The following POLR3B variants were observed in gnomAD, a reference collection of about 807,000 sequenced individuals.
POLR3B encodes the protein RNA polymerase III subunit B, also known as DNA-directed RNA polymerase III subunit RPC2.
In POLR3B, 96 loss-of-function variants were observed where a neutral mutation model predicts 147.4. The observed-to-expected ratio is 0.65, with a 90% confidence interval of 0.55 to 0.77. POLR3B has a LOEUF of 0.77. POLR3B is among the 30% of genes least tolerant of loss of function. POLR3B has a pLI of 0.00. For synonymous variants in POLR3B, 461 were observed against 485.9 expected, an observed-to-expected ratio of 0.95 and a Z score of 0.67; for missense variants, 1,036 against 1,413.5, an observed-to-expected ratio of 0.73 and a Z score of 4.28.
intron 11 of POLR3B, among the ~76,000 whole-genome samples, chr12:106,407,022 C>T (rs1213811847): frequency 6.6e-6 from 1 of 152,172 alleles, no homozygotes; most frequent in Non-Finnish European, 1.5e-5. Flanking sequence ...TCCGATTTTC[C>T]TGTATTAAAA....
intron 9 of POLR3B, among the ~76,000 whole-genome samples, chr12:106,384,802 A>G (rs77911396): frequency 0.035 from 5,258 of 151,916 alleles, 103 homozygotes; most frequent in Middle Eastern, 0.082. Context: ...CTAACTTCAA[A>G]GTTAACTAAT....
intron 23 of POLR3B, among the ~76,000 whole-genome samples, chr12:106,479,485 A>G (rs1319455193): frequency 1.3e-5 from 2 of 150,562 alleles, no homozygotes; most frequent in African/African-American, 4.9e-5. Flanking sequence ...GGTTCATGCC[A>G]TTCTCCTGCC....
intron 19 of POLR3B, among the ~76,000 whole-genome samples, chr12:106,453,599 C>T (rs1358621879): frequency 6.6e-6 from 1 of 152,114 alleles, no homozygotes; most frequent in Non-Finnish European, 1.5e-5. Flanking sequence ...CACTCAAGCT[C>T]AGCAGTAGAG....
At position 106,504,035 on chromosome 12, in the gene POLR3B, T is replaced by C; in HGVS notation, c.3099-46T>C. The C allele has an allele frequency of 3.8e-6, 6 of 1,574,502 alleles. No homozygotes were observed. The highest frequency in any genetic ancestry group is 1.3e-5 in the African/African-American group (1 of 74,232). ...CAGCATGTGATGCTACCTCTTTGTT[T>C]GTTTAACAGAATAATAACACATTTG... On this transcript the variant is annotated intron_variant, in intron 26 of 27. Transcript: ENST00000228347. This position sits in a 1 kb window ranked among gnomAD's most constrained non-coding sequence, Gnocchi z 4.6.
chr12:106,395,218 C>A (rs2036964115), intron 10 of POLR3B, among the ~76,000 whole-genome samples: 1 of 152,006 alleles, frequency 6.6e-6, no homozygotes, highest in African/African-American at 2.4e-5. Flanking sequence ...CAGAGTAAGA[C>A]CTTTCCTCAA....
chr12:106,384,657 T>C lies in POLR3B; in HGVS notation c.723+4518T>C, dbSNP rs925433819. Among the ~76,000 whole-genome samples, 24 of 152,144 alleles carry C rather than the reference T, an allele frequency of 1.6e-4. 1 individual carries two copies. The highest frequency in any genetic ancestry group is 1.6e-3 in the Admixed American group (24 of 15,262). ...GTGCTTTGTTGATTGCAGTATAAGA[T>C]GGCCCCCTAGTATAATGCTAAAGTG... On this transcript the variant is annotated intron_variant, in intron 9 of 27. Transcript: ENST00000228347.
At chr12:106,472,601 C>A (rs1003523186) in intron 23 of POLR3B, among the ~76,000 whole-genome samples, 17 of 151,242 alleles carry the variant, frequency 1.1e-4, no homozygotes, top group Non-Finnish European at 2.4e-4. Context: ...ATTTGCATTT[C>A]TCTGATGGCC....
At chr12:106,385,186 T>C (rs1204321552) in intron 9 of POLR3B, among the ~76,000 whole-genome samples, 1 of 152,176 alleles carries the variant, frequency 6.6e-6, no homozygotes, top group Non-Finnish European at 1.5e-5. Context: ...GAGGAAAATG[T>C]TGTGACCATA....
At chr12:106,437,160 T>C (rs772332984) in intron 17 of POLR3B, 29 bp downstream of exon 17, 1 of 1,359,220 alleles carries the variant, frequency 7.4e-7, no homozygotes, top group Non-Finnish European at 1.1e-6. Context: ...AACTTACCAA[T>C]CTCCTTAATA....
chr12:106,470,393 G>C (rs1464516273), intron 23 of POLR3B, among the ~76,000 whole-genome samples: 1 of 152,034 alleles, frequency 6.6e-6, no homozygotes, highest in Non-Finnish European at 1.5e-5. Flanking sequence ...CAATGGGTTA[G>C]AACACACTCC....
chr12:106,435,126 T>G (rs900395954), intron 16 of POLR3B, among the ~76,000 whole-genome samples: 5 of 144,240 alleles, frequency 3.5e-5, no homozygotes, highest in African/African-American at 1.2e-4. Context: ...ATCCTTCCAT[T>G]AAATTATTTT....
intron 18 of POLR3B, among the ~76,000 whole-genome samples, chr12:106,444,169 A>G (rs1462291762): frequency 2.0e-5 from 3 of 152,216 alleles, no homozygotes; most frequent in Non-Finnish European, 4.4e-5. Flanking sequence ...TGGTGATACA[A>G]CCTACTCATT....
chr12:106,385,904 G>A (rs980217412), intron 9 of POLR3B, among the ~76,000 whole-genome samples: 22 of 152,062 alleles, frequency 1.4e-4, no homozygotes, highest in Non-Finnish European at 2.9e-4. Context: ...GATATCAGAG[G>A]GCCCAGGAAG....
intron 23 of POLR3B, among the ~76,000 whole-genome samples, chr12:106,469,227 G>A (rs2038052808): frequency 6.8e-6 from 1 of 146,812 alleles, no homozygotes. Context: ...ATTTTTGTTG[G>A]TTTAAAGTCT....
chr12:106,408,184 A>T (rs1389204476), intron 11 of POLR3B, among the ~76,000 whole-genome samples: 1 of 152,238 alleles, frequency 6.6e-6, no homozygotes, highest in Admixed American at 6.5e-5. Context: ...TACATAAATA[A>T]GTACTACAGA....
intron 9 of POLR3B, among the ~76,000 whole-genome samples, chr12:106,387,967 T>C (rs1468900510): frequency 6.6e-6 from 1 of 152,208 alleles, no homozygotes; most frequent in Non-Finnish European, 1.5e-5. Context: ...ACATCATTTC[T>C]CTTTGAGTGT....
chr12:106,410,897 A>G lies in POLR3B; in HGVS notation c.1038A>G (p.Gln346=), dbSNP rs886048898. ...AVMVRRVILA[Q]GDNKVDDRDY... The stretch of plus-strand genomic sequence containing the variant: ...TGGTGCGAAGAGTTATTCTGGCCCA[A>G]GGAGATAATAAAGTTGACGACAGAG... The change falls in exon 12 of 28, where the codon CAA becomes CAG. Residue 346 remains glutamine (Q), a synonymous_variant. Transcript: ENST00000228347. 1.1e-5 allele frequency: 18 copies of G among 1,613,572 alleles called. No individual in the cohort carries two copies. The highest frequency in any genetic ancestry group is 1.5e-5 in the Non-Finnish European group (18 of 1,179,590).
At chr12:106,453,088 G>C (rs1161529732) in intron 19 of POLR3B, among the ~76,000 whole-genome samples, 1 of 144,916 alleles carries the variant, frequency 6.9e-6, no homozygotes, top group Admixed American at 7.0e-5. Context: ...GTAGTGGTAT[G>C]ATCTTAGCTC....
At chr12:106,483,460 G>C (rs1386174109) in intron 23 of POLR3B, among the ~76,000 whole-genome samples, 1 of 152,132 alleles carries the variant, frequency 6.6e-6, no homozygotes, top group Non-Finnish European at 1.5e-5. Context: ...ACTGACACCT[G>C]AAGCAAAAAG....
Sources: gnomAD v4.1 joint callset for allele counts (sites outside exome capture counted in the v4.1 genomes callset) on GRCh38, gnomAD v4.1.1 for gene constraint, Gnocchi (gnomAD v3.1) non-coding constraint, MANE v1.5 for transcripts, NCBI Gene and HGNC (gene_info 2026-07-23, HGNC 2026-07-21) for gene names.